Variants in NRXN1 observed in about 807,000 individuals in gnomAD.
NRXN1 encodes the protein neurexin-1.
In NRXN1, 39 loss-of-function variants were observed where a neutral mutation model predicts 150.9. The ratio of observed to expected loss-of-function variants is 0.26; its 90% CI spans 0.20 to 0.34. The LOEUF is 0.34. NRXN1 is among the 10% of genes least tolerant of loss of function. The pLI is 1.00. For synonymous variants in NRXN1, 924 were observed against 757.0 expected (o/e 1.22, Z -3.62); for missense variants, 1,815 against 1,949.9 (o/e 0.93, Z 1.30).
At chr2:50,025,832 G>A (rs1573478763) in intron 21 of NRXN1, among the ~76,000 whole-genome samples, 1 of 152,166 alleles carries the variant, frequency 6.6e-6, no homozygotes, top group East Asian at 1.9e-4. Context: ...AAGCCAGGAA[G>A]AGATCACAAG....
chr2:50,204,325 A>C (rs903409887), intron 18 of NRXN1, among the ~76,000 whole-genome samples: 12 of 145,530 alleles, frequency 8.2e-5, no homozygotes, highest in African/African-American at 3.1e-4. Flanking sequence ...ATTTGAAATA[A>C]AAATATAAGA....
intron 13 of NRXN1, 32 bp downstream of exon 13, chr2:50,506,463 A>C: frequency 6.3e-7 from 1 of 1,593,392 alleles, no homozygotes; most frequent in Non-Finnish European, 8.6e-7. Context: ...AAGCGTTAGC[A>C]TAGGAAAAGA....
Position 50,084,191 on chromosome 2 carries a change from A to C in NRXN1, c.3718+7132T>G, listed in dbSNP as rs979509453. 3.3e-5 allele frequency among the ~76,000 whole-genome samples: 5 copies of C among 152,308 alleles called. No individual in the cohort carries two copies. The East Asian group carries it at 9.7e-4, about 30-fold the overall frequency. On this transcript the variant is annotated intron_variant, in intron 19 of 22. Transcript: ENST00000401669. ...GCTGGCTTCACCCAGCGTATCCCAC[A>C]CGGGGCGGCAGATGGAGCTGCCTGC... is the stretch of plus-strand genomic sequence containing the variant.
chr2:50,347,915 T>G lies in NRXN1; in HGVS notation c.3365-110945A>C. ...CACGAAAATCGCCCTGCTTTGCCTC[T>G]CCCTTGCATTCTCCACGCATCAAAG... On this transcript the variant is annotated intron_variant, in intron 17 of 22. Coordinates refer to ENST00000401669, the MANE Select transcript of NRXN1 (RefSeq NM_001330078.2). This position sits in a 1 kb window ranked among gnomAD's most constrained non-coding sequence, Gnocchi z 4.9. 1.2e-6 allele frequency: 1 copy of G among 842,030 alleles called. No homozygotes were observed. The highest frequency in any genetic ancestry group is 1.8e-5 in the African/African-American group (1 of 54,322). 52.2% of individuals were successfully genotyped at this position (842,030 alleles called of 1,614,324 possible).
At chr2:50,069,533 T>C (rs1226595278) in intron 19 of NRXN1, among the ~76,000 whole-genome samples, 1 of 152,188 alleles carries the variant, frequency 6.6e-6, no homozygotes, top group Non-Finnish European at 1.5e-5. Context: ...AGCAGTGAAA[T>C]ATTTGGCTTG....
chr2:50,263,280 C>G (rs988398268), intron 17 of NRXN1, among the ~76,000 whole-genome samples: 1 of 151,800 alleles, frequency 6.6e-6, no homozygotes, highest in African/African-American at 2.4e-5. Context: ...ATTTATTCCT[C>G]AGATTTGAAA....
At chr2:50,144,394 ACTGT>A (rs1707711771) in intron 18 of NRXN1, among the ~76,000 whole-genome samples, 2 of 151,842 alleles carry the variant, frequency 1.3e-5, no homozygotes, top group South Asian at 4.1e-4. Flanking sequence ...AGTTTTCCTG[ACTGT>A]CTAAGACAAC....
At chr2:50,463,543 A>G (rs918708757) in intron 17 of NRXN1, among the ~76,000 whole-genome samples, 6 of 151,790 alleles carry the variant, frequency 4.0e-5, no homozygotes, top group Non-Finnish European at 8.8e-5. Flanking sequence ...TTACCTATTT[A>G]CAAGAAAATA....
chr2:50,834,295 G>A (rs1202597196), intron 5 of NRXN1, among the ~76,000 whole-genome samples: 1 of 152,106 alleles, frequency 6.6e-6, no homozygotes, highest in Non-Finnish European at 1.5e-5. Flanking sequence ...GTGAACAAGG[G>A]ACAATAATAA....
At chr2:50,743,015 G>A (rs1276909247) in intron 5 of NRXN1, among the ~76,000 whole-genome samples, 2 of 152,100 alleles carry the variant, frequency 1.3e-5, no homozygotes, top group Non-Finnish European at 2.9e-5. Flanking sequence ...GAAAATTGTA[G>A]CAGAAATAAA....
intron 17 of NRXN1, among the ~76,000 whole-genome samples, chr2:50,387,559 C>G (rs947781965): frequency 3.4e-4 from 52 of 152,054 alleles, no homozygotes; most frequent in African/African-American, 1.2e-3. Flanking sequence ...TTTTTATTTA[C>G]TCATACCTAA....
At chr2:50,634,925 C>A (rs1683008975) in intron 5 of NRXN1, among the ~76,000 whole-genome samples, 1 of 152,124 alleles carries the variant, frequency 6.6e-6, no homozygotes, top group African/African-American at 2.4e-5. Flanking sequence ...GACTTCCCAA[C>A]AGCAGTCAAC....
chr2:50,185,745 C>A (rs564437081), intron 18 of NRXN1: 1 of 152,080 alleles, frequency 6.6e-6, no homozygotes, highest in African/African-American at 2.4e-5. Context: ...CTATATTTGA[C>A]TGTACAATAA....
chr2:50,236,758 A>G lies in NRXN1; in HGVS notation c.3546+31T>C. 3 of 1,607,024 alleles carry G rather than the reference A, an allele frequency of 1.9e-6. No homozygotes were observed. The South Asian group carries it at 3.3e-5, about 18-fold the overall frequency. On this transcript the variant is annotated intron_variant, in intron 18 of 22. Transcript: ENST00000401669. ...TTACAAAAAGTTAACAGTAAAAAGTAAAAGCTGAATCTTATGCAAAAAGTA... is the reference window on the plus strand; with the variant it reads ...TTACAAAAAGTTAACAGTAAAAAGTGAAAGCTGAATCTTATGCAAAAAGTA...
At chr2:50,106,103 T>C (rs1413028813) in intron 18 of NRXN1, among the ~76,000 whole-genome samples, 5 of 151,986 alleles carry the variant, frequency 3.3e-5, no homozygotes, top group Non-Finnish European at 7.4e-5. Flanking sequence ...TAGACCCTTT[T>C]CTACTCTCCT....
intron 18 of NRXN1, among the ~76,000 whole-genome samples, chr2:50,092,214 C>T (rs1300083696): frequency 6.6e-6 from 1 of 152,182 alleles, no homozygotes; most frequent in Admixed American, 6.5e-5. Flanking sequence ...ACGCCCTCTT[C>T]ACTTCTTCAT....
At chr2:50,505,937 C>T (rs1300543574) in intron 13 of NRXN1, among the ~76,000 whole-genome samples, 1 of 152,048 alleles carries the variant, frequency 6.6e-6, no homozygotes, top group Non-Finnish European at 1.5e-5. Context: ...CTAGGGTGGA[C>T]CTGCATACAG....
chr2:50,558,939 G>A (rs541421048), intron 8 of NRXN1, among the ~76,000 whole-genome samples: 40 of 152,116 alleles, frequency 2.6e-4, no homozygotes, highest in African/African-American at 8.7e-4. Flanking sequence ...AAAATTAGCC[G>A]GGTGTGGTGG....
intron 18 of NRXN1, among the ~76,000 whole-genome samples, chr2:50,219,810 C>T (rs2063669823): frequency 6.8e-6 from 1 of 148,042 alleles, no homozygotes. Context: ...ATTGCTTGAG[C>T]CTCGGGAGTG....
Sources: gnomAD v4.1 joint callset for allele counts (sites outside exome capture counted in the v4.1 genomes callset) on GRCh38, gnomAD v4.1.1 for gene constraint, Gnocchi (gnomAD v3.1) non-coding constraint, MANE v1.5 for transcripts, NCBI Gene and HGNC (gene_info 2026-07-23, HGNC 2026-07-21) for gene names.